Variants in DOCK9 observed in about 807,000 individuals in gnomAD.
DOCK9 encodes the protein dedicator of cytokinesis 9, also known as dedicator of cytokinesis protein 9.
DOCK9 carries 89 observed loss-of-function variants against 263.3 expected under a neutral mutation model. The ratio of observed to expected loss-of-function variants is 0.34; its 90% CI spans 0.28 to 0.40. The LOEUF (loss-of-function observed/expected upper bound fraction) is 0.40. DOCK9 is among the 10% of genes least tolerant of loss of function. The pLI is 1.00. For missense variants in DOCK9, 2,140 were observed against 2,603.4 expected, an observed-to-expected ratio of 0.82 and a Z score of 3.87; for synonymous variants, 976 against 973.1, an observed-to-expected ratio of 1.00 and a Z score of -0.06.
At chr13:99,064,612 C>T (rs987234435) in intron 1 of DOCK9, among the ~76,000 whole-genome samples, 3 of 152,224 alleles carry the variant, frequency 2.0e-5, no homozygotes, top group Non-Finnish European at 4.4e-5. Context: ...AACTTTATAT[C>T]CCCTCTCTAA....
At chr13:99,063,148 A>C (rs2041266373) in intron 1 of DOCK9, among the ~76,000 whole-genome samples, 1 of 152,244 alleles carries the variant, frequency 6.6e-6, no homozygotes. Context: ...ACAAAAGAAA[A>C]GAACCAACAG....
At position 98,882,955 on chromosome 13, in the gene DOCK9, G is replaced by T. The variant is rs184213661; in HGVS notation, c.2559+87C>A. 13 of 1,061,122 alleles carry T rather than the reference G, an allele frequency of 1.2e-5. No homozygotes were observed. In the African/African-American group the frequency reaches 1.6e-4, roughly 13 times the overall value. 65.7% of individuals were successfully genotyped at this position (1,061,122 alleles called of 1,614,324 possible). A position where few individuals can be genotyped will look rare whatever the true frequency, so the allele number is the denominator to read the frequency against. Reference sequence around the variant, plus strand: ...AGACATCCAGGTAAGAGCTTCCAAGGGGTGAGAACACCACTCACCACCAAA... The same window carrying T: ...AGACATCCAGGTAAGAGCTTCCAAGTGGTGAGAACACCACTCACCACCAAA... On this transcript the variant is annotated intron_variant, in intron 23 of 52. Transcript: ENST00000682017.
At chr13:98,944,281 C>G (rs771422692) in intron 2 of DOCK9, among the ~76,000 whole-genome samples, 3 of 148,440 alleles carry the variant, frequency 2.0e-5, no homozygotes, top group Non-Finnish European at 4.4e-5. Flanking sequence ...TGCTCTCTTT[C>G]TTCTAGTTAC....
At chr13:99,064,857 T>C (rs2041348104) in intron 1 of DOCK9, among the ~76,000 whole-genome samples, 1 of 152,016 alleles carries the variant, frequency 6.6e-6, no homozygotes, top group African/African-American at 2.4e-5. Flanking sequence ...CCCTAAACAC[T>C]CTCTAAAAAA....
chr13:98,834,021 A>G (rs145443470), intron 39 of DOCK9, among the ~76,000 whole-genome samples: 1 of 152,342 alleles, frequency 6.6e-6, no homozygotes, highest in East Asian at 1.9e-4. Flanking sequence ...ATTTTCACTT[A>G]GGAAAGTAAA....
At chr13:99,026,757 T>G (rs185235159) in intron 1 of DOCK9, among the ~76,000 whole-genome samples, 105 of 152,052 alleles carry the variant, frequency 6.9e-4, no homozygotes, top group Admixed American at 2.6e-3. Flanking sequence ...TGGAAAAAGG[T>G]TAACAGGAGA....
intron 13 of DOCK9, among the ~76,000 whole-genome samples, chr13:98,899,545 C>A (rs2047956479): frequency 6.6e-6 from 1 of 152,224 alleles, no homozygotes; most frequent in African/African-American, 2.4e-5. Context: ...CTCCCCCCTT[C>A]TCCAATGAGG....
At chr13:99,088,042 T>C (rs992921317), upstream of DOCK9, 7 of 152,360 alleles carry the variant, frequency 4.6e-5, no homozygotes, top group African/African-American at 1.7e-4. Context: ...AATACCGATC[T>C]AGCGCAGAGA....
intron 4 of DOCK9, among the ~76,000 whole-genome samples, chr13:98,923,702 AG>A (rs2052454333): frequency 6.6e-6 from 1 of 152,250 alleles, no homozygotes; most frequent in Admixed American, 6.5e-5. Flanking sequence ...GAGGAAAAAA[AG>A]GAAGATTGAG....
chr13:98,903,202 T>C (rs997308544), intron 10 of DOCK9, 90 bp from the exon 11 acceptor site: 1 of 1,111,388 alleles, frequency 9.0e-7, no homozygotes, highest in Non-Finnish European at 1.2e-6. Context: ...GAATAAAATA[T>C]GGAAAAGCTA....
At chr13:98,859,732 TG>T in intron 33 of DOCK9, 2 of 99,446 alleles carry the variant, frequency 2.0e-5, no homozygotes, top group Admixed American at 2.3e-4. Flanking sequence ...TGTGTGTTTG[TG>T]TGTGTGTGTG....
At chr13:98,923,265 G>A in intron 5 of DOCK9, 37 bp downstream of exon 5, 1 of 1,580,018 alleles carries the variant, frequency 6.3e-7, no homozygotes, top group Non-Finnish European at 8.7e-7. Flanking sequence ...TTTAAATCTA[G>A]AGTGAAAAGA....
Position 98,831,709 on chromosome 13 carries a change from T to G in DOCK9, c.4392A>C (p.Lys1464Asn). 1 of 1,613,988 alleles carries G rather than the reference T, an allele frequency of 6.2e-7. No homozygotes were observed. The highest frequency in any genetic ancestry group is 8.5e-7 in the Non-Finnish European group (1 of 1,179,872). The change falls in exon 40 of 53, where the codon AAA becomes AAC. Residue 1464 changes from lysine (K) to asparagine (N), a missense_variant. Physicochemically the swap from Lys to Asn is moderately conservative, Grantham distance 94 (BLOSUM62 0). Coordinates refer to ENST00000682017, the MANE Select transcript of DOCK9 (RefSeq NM_001366683.2). The stretch of plus-strand genomic sequence containing the variant: ...TTTTTAAAGCCGTTTCAGACTGATG[T>G]TTTTGAAGAAAACACAGGTAGACAT... ...VFDVYLCFLQKHQSETALKNV... is the reference protein window; with the variant it reads ...VFDVYLCFLQNHQSETALKNV...
At chr13:98,824,887 TAAGAG>T (rs1325438329) in intron 44 of DOCK9, among the ~76,000 whole-genome samples, 2 of 152,160 alleles carry the variant, frequency 1.3e-5, no homozygotes, top group Non-Finnish European at 2.9e-5. Flanking sequence ...AAAGCCAATA[TAAGAG>T]AAATGTATGA....
chr13:98,902,862 C>A (rs7328190), intron 11 of DOCK9, 110 bp downstream of exon 11: 21,051 of 1,073,664 alleles, frequency 0.02, 653 homozygotes, highest in African/African-American at 0.12. Flanking sequence ...AAACACTGCA[C>A]CTCTTTGATA....
rs138989998 is a variant in DOCK9 at position 98,901,814 on chromosome 13, G to A, written c.1467C>T (p.Cys489=). 2.6e-4 allele frequency: 417 copies of A among 1,612,364 alleles called. 1 individual carries two copies. The highest frequency in any genetic ancestry group is 2.3e-3 in the Middle Eastern group (14 of 6,062). ...EKVLQGSITH[C]AEPYMKSSDS... Reference sequence around the variant, plus strand: ...CTGAACTTTTCATATATGGCTCAGCGCAATGTGTGATGCTCCCCTGAAGGA... The same window carrying A: ...CTGAACTTTTCATATATGGCTCAGCACAATGTGTGATGCTCCCCTGAAGGA... The change falls in exon 13 of 53, where the codon TGC becomes TGT. Residue 489 remains cysteine, a synonymous_variant. Transcript: ENST00000682017.
chr13:99,044,945 A>G (rs1189849656), intron 1 of DOCK9, among the ~76,000 whole-genome samples: 1 of 152,162 alleles, frequency 6.6e-6, no homozygotes, highest in Non-Finnish European at 1.5e-5. Context: ...ATTCCAGCCC[A>G]TAGACATATT....
intron 32 of DOCK9, among the ~76,000 whole-genome samples, chr13:98,860,822 C>G (rs145691369): frequency 6.6e-5 from 10 of 152,260 alleles, no homozygotes; most frequent in Non-Finnish European, 1.3e-4. Context: ...AGAGCTCGGA[C>G]GCCCAACATT....
chr13:98,829,263 T>C lies in DOCK9; in HGVS notation c.4965+44A>G, dbSNP rs1331764335. On this transcript the variant is annotated intron_variant, in intron 43 of 52. Coordinates refer to ENST00000682017, the MANE Select transcript of DOCK9 (RefSeq NM_001366683.2). The surrounding 1 kb of genome is among the most constrained non-coding windows in gnomAD (Gnocchi z 4.1). ...GCTTTTTAAGTGAATGGGGCCTCAC[T>C]GGTTTTTTCAAAAACCCATTCAAGC... The C allele has an allele frequency of 6.5e-7, 1 of 1,549,756 alleles. No homozygotes were observed.
Sources: gnomAD v4.1 joint callset for allele counts (sites outside exome capture counted in the v4.1 genomes callset) on GRCh38, gnomAD v4.1.1 for gene constraint, Gnocchi (gnomAD v3.1) non-coding constraint, MANE v1.5 for transcripts, NCBI Gene and HGNC (gene_info 2026-07-23, HGNC 2026-07-21) for gene names.